PLA2R1: variants seen among roughly 807,000 people sequenced by gnomAD.
PLA2R1 encodes secretory phospholipase A2 receptor.
Under a neutral mutation model 195.9 loss-of-function variants are expected in PLA2R1, and 158 were observed. That is an observed-to-expected ratio of 0.81 (90% confidence interval 0.71 to 0.92). The LOEUF (loss-of-function observed/expected upper bound fraction) is 0.92. Ranked by LOEUF, PLA2R1 falls within the 40% of genes least tolerant of loss-of-function variation. PLA2R1 has a pLI of 0.00. For missense variants in PLA2R1, 1,626 were observed against 1,764.6 expected, an observed-to-expected ratio of 0.92 and a Z score of 1.41; for synonymous variants, 586 against 598.2, an observed-to-expected ratio of 0.98 and a Z score of 0.30.
chr2:159,958,880 C>T (rs1024315881), intron 20 of PLA2R1, among the ~76,000 whole-genome samples: 2 of 152,142 alleles, frequency 1.3e-5, no homozygotes, highest in Non-Finnish European at 2.9e-5. Context: ...CCCCAAATGT[C>T]AATAGTGTAA....
chr2:159,977,255 T>C, intron 15 of PLA2R1, 29 bp downstream of exon 15: 1 of 1,553,220 alleles, frequency 6.4e-7, no homozygotes, highest in East Asian at 2.3e-5. Context: ...AAATCAAACA[T>C]ATAGCAAAGA....
intron 1 of PLA2R1, among the ~76,000 whole-genome samples, chr2:160,061,848 C>T (rs1349192753): frequency 6.6e-6 from 1 of 152,154 alleles, no homozygotes; most frequent in Non-Finnish European, 1.5e-5. Flanking sequence ...GGGGTCACTC[C>T]TAGGTGGCGA....
chr2:159,982,770 T>G (rs1392337321), intron 13 of PLA2R1, among the ~76,000 whole-genome samples: 2 of 152,200 alleles, frequency 1.3e-5, no homozygotes, highest in Admixed American at 6.5e-5. Context: ...GAAAAAATAG[T>G]ACAGGATTTT....
rs1300430782 is a variant in PLA2R1 at position 159,983,972 on chromosome 2, C to T, written c.2139G>A (p.Glu713=). ...GAHLASFAHI[E]EENFVNELLH... The stretch of plus-strand genomic sequence containing the variant: ...AGAGCTCATTCACAAAATTCTCTTC[C>T]TCAATATGGGCAAAGCTTGCAAGAT... The change falls in exon 13 of 30, where the codon GAG becomes GAA. Residue 713 remains glutamate (E), a synonymous_variant. Coordinates refer to ENST00000283243, the MANE Select transcript of PLA2R1 (RefSeq NM_007366.5). 6.3e-7 allele frequency: 1 copy of T among 1,598,450 alleles called. No homozygotes were observed. The highest frequency in any genetic ancestry group is 8.6e-7 in the Non-Finnish European group (1 of 1,167,104).
chr2:159,967,583 GT>G lies in PLA2R1; in HGVS notation c.2859del (p.Lys953AsnfsTer20). ...WLIEKKKDTP[K>X]QHGTCPKGWL... ...CATCCTTTGGGACACGTTCCATGTT[GT>G]TTTGGTGTATCTTTCTTTTTCTCTA... On this transcript the variant is annotated frameshift_variant, in exon 20 of 30. Coordinates refer to ENST00000283243, the MANE Select transcript of PLA2R1 (RefSeq NM_007366.5). LOFTEE classifies it high-confidence loss of function. 1.2e-6 allele frequency: 2 copies of G among 1,613,510 alleles called. No individual in the cohort carries two copies. Among genetic ancestry groups the G allele is most frequent in the Non-Finnish European group, 1.7e-6 (2 of 1,179,578 alleles).
chr2:160,050,028 G>C (rs2105655627), intron 1 of PLA2R1, among the ~76,000 whole-genome samples: 1 of 152,258 alleles, frequency 6.6e-6, no homozygotes, highest in South Asian at 2.1e-4. Context: ...TAGATGATGG[G>C]ATGACAGGTG....
At chr2:160,059,434 G>C (rs1338129701) in intron 1 of PLA2R1, among the ~76,000 whole-genome samples, 1 of 152,144 alleles carries the variant, frequency 6.6e-6, no homozygotes, top group African/African-American at 2.4e-5. Context: ...TGGTGAGAGA[G>C]CAGCAAAAGG....
At position 159,938,011 on chromosome 2, in the gene PLA2R1, G is replaced by C. The variant is rs1686913342; in HGVS notation, c.*3767C>G. ...GTAGAGAAAGGCATTTGTGTAAAGAGAGGTGGGAAAGAAGAACCAGGGGTG... is the reference window on the plus strand; with the variant it reads ...GTAGAGAAAGGCATTTGTGTAAAGACAGGTGGGAAAGAAGAACCAGGGGTG... On this transcript the variant is annotated 3_prime_UTR_variant, in exon 30 of 30. Transcript: ENST00000283243. 1 of 152,198 alleles carries C rather than the reference G, an allele frequency of 6.6e-6. No individual in the cohort carries two copies. The highest frequency in any genetic ancestry group is 2.1e-4 in the South Asian group (1 of 4,820). The allele number at this position is 152,198 out of a possible 1,614,324, so 9.4% of individuals were successfully genotyped here.
chr2:160,001,530 G>A (rs771805200), intron 11 of PLA2R1, among the ~76,000 whole-genome samples: 19 of 151,908 alleles, frequency 1.3e-4, no homozygotes, highest in Admixed American at 2.6e-4. Context: ...TGTGAATAGA[G>A]TTTTAAAAAT....
intron 10 of PLA2R1, 126 bp from the exon 11 acceptor site, chr2:160,005,947 G>T: frequency 1.4e-6 from 1 of 694,212 alleles, no homozygotes; most frequent in Non-Finnish European, 2.5e-6. Context: ...TTAGAACATG[G>T]AACAGGAAAA....
In PLA2R1 at chr2:159,941,666, TG is replaced by T. The variant is rs1687090755; in HGVS notation, c.*111del. ...ATCACTTCAAGAATAATTAAAATAG[TG>T]ACCCAATTCACATTCTAATGGCATC... is the stretch of plus-strand genomic sequence containing the variant. On this transcript the variant is annotated 3_prime_UTR_variant, in exon 30 of 30. Coordinates refer to ENST00000283243, the MANE Select transcript of PLA2R1 (RefSeq NM_007366.5). The T allele has an allele frequency of 1.6e-6, 1 of 617,794 alleles. No individual in the cohort carries two copies. Among genetic ancestry groups the T allele is most frequent in the African/African-American group, 1.8e-5 (1 of 54,058 alleles). The allele number at this position is 617,794 out of a possible 1,614,324, so 38.3% of individuals were successfully genotyped here. A position where few individuals can be genotyped will look rare whatever the true frequency, so the allele number is the denominator to read the frequency against.
chr2:160,052,314 A>G (rs1695260184), intron 1 of PLA2R1, among the ~76,000 whole-genome samples: 1 of 152,134 alleles, frequency 6.6e-6, no homozygotes, highest in Admixed American at 6.5e-5. Flanking sequence ...ACCCTTTCAG[A>G]CTGTCCTTGC....
chr2:160,058,562 GC>G (rs1201209236), intron 1 of PLA2R1, among the ~76,000 whole-genome samples: 13 of 150,320 alleles, frequency 8.6e-5, no homozygotes, highest in African/African-American at 3.0e-4. Flanking sequence ...CCTTTTACTT[GC>G]CCCCTGATCA....
At chr2:159,972,936 A>C (rs1689283687) in intron 17 of PLA2R1, among the ~76,000 whole-genome samples, 1 of 152,196 alleles carries the variant, frequency 6.6e-6, no homozygotes, top group African/African-American at 2.4e-5. Context: ...TCAGATTTTT[A>C]AACTGTATCT....
Position 159,994,755 on chromosome 2 carries a change from T to C in PLA2R1, c.1835-7397A>G, listed in dbSNP as rs1350658529. On this transcript the variant is annotated intron_variant, in intron 11 of 29. Transcript: ENST00000283243. ...TCTACTACTGGTAGATACCATCTGG[T>C]GGTAATACTATTTGATAAACTTAAT... Among the ~76,000 whole-genome samples the C allele has an allele frequency of 3.9e-5, 6 of 151,994 alleles. No individual in the cohort carries two copies. In the East Asian group the frequency reaches 7.7e-4, roughly 20 times the overall value.
the PLA2R1 span, among the ~76,000 whole-genome samples, chr2:159,925,248 T>C: frequency 6.6e-6 from 1 of 151,998 alleles, no homozygotes; most frequent in South Asian, 2.1e-4. Context: ...GTTACGGCAA[T>C]GGTAAGCATC....
chr2:160,049,093 G>T (rs1050338432), intron 1 of PLA2R1, among the ~76,000 whole-genome samples: 1 of 151,898 alleles, frequency 6.6e-6, no homozygotes, highest in African/African-American at 2.4e-5. Flanking sequence ...CGCCCGCCTC[G>T]GCCTCCCAAA....
intron 11 of PLA2R1, among the ~76,000 whole-genome samples, chr2:159,993,979 T>C (rs996795617): frequency 5.3e-5 from 8 of 152,020 alleles, no homozygotes; most frequent in Non-Finnish European, 7.4e-5. Context: ...TTAAAAGGAA[T>C]TAGCTTTTTA....
intron 12 of PLA2R1, among the ~76,000 whole-genome samples, chr2:159,984,349 T>C (rs1215847334): frequency 2.0e-5 from 3 of 152,182 alleles, no homozygotes; most frequent in Admixed American, 6.5e-5. Context: ...CCCTAAATCT[T>C]CTGTGACTGG....
Sources: gnomAD v4.1 joint callset for allele counts (sites outside exome capture counted in the v4.1 genomes callset) on GRCh38, gnomAD v4.1.1 for gene constraint, MANE v1.5 for transcripts, NCBI Gene and HGNC (gene_info 2026-07-23, HGNC 2026-07-21) for gene names.